Variants in CHD9 observed in about 807,000 individuals in gnomAD.
The protein encoded by CHD9 is chromodomain helicase DNA binding protein 9.
CHD9 carries 77 observed loss-of-function variants against 316.1 expected under a neutral mutation model. The observed-to-expected ratio is 0.24, with a 90% CI of 0.20 to 0.29. CHD9 has a LOEUF of 0.29. Ranked by LOEUF, CHD9 falls within the 10% of genes least tolerant of loss-of-function variation. The probability of loss-of-function intolerance (pLI) is 1.00; values close to 1 mark genes in which losing one functional copy is unlikely to be tolerated. For synonymous variants in CHD9, 1,129 were observed against 1,158.3 expected (o/e 0.97, Z 0.51); for missense variants, 2,763 against 3,438.1 (o/e 0.80, Z 4.91).
chr16:53,316,921 G>A (rs1018663596), intron 36 of CHD9, among the ~76,000 whole-genome samples: 3 of 152,072 alleles, frequency 2.0e-5, no homozygotes, highest in Non-Finnish European at 2.9e-5. Flanking sequence ...GAAGATGGCC[G>A]GGTGCGGTAG....
At chr16:53,272,731 T>C (rs1336878811) in intron 22 of CHD9, among the ~76,000 whole-genome samples, 2 of 152,018 alleles carry the variant, frequency 1.3e-5, no homozygotes, top group Non-Finnish European at 2.9e-5. Context: ...TAAATACTTA[T>C]CCAACATAGG....
intron 23 of CHD9, 32 bp downstream of exon 23, chr16:53,273,817 T>C (rs1216493293): frequency 1.3e-6 from 2 of 1,549,734 alleles, no homozygotes; most frequent in East Asian, 4.5e-5. Context: ...CACAACTCTT[T>C]AAATGTTTAC....
chr16:53,077,769 G>A lies in CHD9; in HGVS notation c.-165+22692G>A, dbSNP rs114476940. On this transcript the variant is annotated intron_variant, in intron 1 of 38. Transcript: ENST00000447540. ...TAAAACATTTGAAATCTACTTCTTC[G>A]GCAATTTTGAAATATGCAATGCGAC... 9.4e-3 allele frequency among the ~76,000 whole-genome samples: 1,424 copies of A among 151,876 alleles called. 28 individuals are homozygous for A. The highest frequency in any genetic ancestry group is 0.032 in the African/African-American group (1,320 of 41,418).
At chr16:53,208,309 A>T (rs550936285) in intron 2 of CHD9, 1 of 1,281,274 alleles carries the variant, frequency 7.8e-7, no homozygotes, top group Admixed American at 2.4e-5. Context: ...CCTTTGTCTG[A>T]CGCCAAAAAT....
At chr16:53,101,273 C>CTTTTT (rs1012377760) in intron 1 of CHD9, among the ~76,000 whole-genome samples, 50 of 124,836 alleles carry the variant, frequency 4.0e-4, no homozygotes, top group Non-Finnish European at 5.1e-4. Context: ...TTTTCCTTTT[C>CTTTTT]TTTTTTTTTT....
At chr16:53,226,076 A>T (rs547887334) in intron 4 of CHD9, among the ~76,000 whole-genome samples, 1 of 152,212 alleles carries the variant, frequency 6.6e-6, no homozygotes, top group South Asian at 2.1e-4. Context: ...TAATTTTTTT[A>T]AAAAACAGAC....
At chr16:53,095,002 C>G (rs1217382171) in intron 1 of CHD9, among the ~76,000 whole-genome samples, 1 of 152,146 alleles carries the variant, frequency 6.6e-6, no homozygotes, top group South Asian at 2.1e-4. Context: ...TCATGACATT[C>G]TTTCATCTTC....
At chr16:53,168,576 T>C (rs1441141436) in intron 2 of CHD9, 2 of 152,194 alleles carry the variant, frequency 1.3e-5, no homozygotes, top group Non-Finnish European at 2.9e-5. Context: ...CTATGGTACC[T>C]AACTGCCTTT....
At chr16:53,321,477 G>A (rs1191529320) in intron 37 of CHD9, 49 bp from the exon 38 acceptor site, 1 of 1,470,488 alleles carries the variant, frequency 6.8e-7, no homozygotes, top group East Asian at 2.5e-5. Flanking sequence ...GCAATCAAGA[G>A]TTTTCTATGT....
At position 53,084,939 on chromosome 16, in the gene CHD9, G is replaced by T. The variant is rs549843754; in HGVS notation, c.-165+29862G>T. On this transcript the variant is annotated intron_variant, in intron 1 of 38. Transcript: ENST00000447540. ...ATACAGGACCCACTTCCTAGGTTAG[G>T]GTTGCAAACTGGGGGTGCTCGGGTA... Among the ~76,000 whole-genome samples, 419 of 152,294 alleles carry T rather than the reference G, an allele frequency of 2.8e-3. 2 individuals are homozygous for T. Among genetic ancestry groups the T allele is most frequent in the African/African-American group, 9.1e-3 (378 of 41,558 alleles).
chr16:53,308,659 G>A (rs762198165), intron 33 of CHD9, 27 bp from the exon 34 acceptor site: 3 of 1,569,726 alleles, frequency 1.9e-6, no homozygotes, highest in African/African-American at 2.7e-5. Flanking sequence ...AACAGTTTCT[G>A]TCTTAATAAT....
rs2046368712 is a variant in CHD9, at chr16:53,211,985, ATT to A, written c.1784+2174_1784+2175del. Among the ~76,000 whole-genome samples, 3 of 152,328 alleles carry A rather than the reference ATT, an allele frequency of 2.0e-5. No homozygotes were observed. In the South Asian group the frequency reaches 6.2e-4, roughly 32 times the overall value. The stretch of plus-strand genomic sequence containing the variant: ...GCACCATTTTATAATTAAACATCTC[ATT>A]TAAAATTTTTTATTTTTCTATTAAT... On this transcript the variant is annotated intron_variant, in intron 3 of 38. Coordinates refer to ENST00000447540, the MANE Select transcript of CHD9 (RefSeq NM_001308319.2).
At chr16:53,210,651 T>C (rs553341905) in intron 3 of CHD9, among the ~76,000 whole-genome samples, 1 of 152,114 alleles carries the variant, frequency 6.6e-6, no homozygotes, top group South Asian at 2.1e-4. Context: ...CATAAAGGGG[T>C]CAATCTAACT....
At chr16:53,311,646 T>C (rs1449464808) in intron 34 of CHD9, 1 of 152,190 alleles carries the variant, frequency 6.6e-6, no homozygotes, top group Non-Finnish European at 1.5e-5. Flanking sequence ...ATTTCATTAA[T>C]GAAGGAGAGT....
chr16:53,269,479 G>A (rs2052021366), intron 22 of CHD9, among the ~76,000 whole-genome samples: 1 of 152,056 alleles, frequency 6.6e-6, no homozygotes, highest in African/African-American at 2.4e-5. Context: ...TATAGATTGT[G>A]GTAATTACTG....
At chr16:53,251,567 G>T (rs1282241828) in intron 17 of CHD9, among the ~76,000 whole-genome samples, 1 of 152,166 alleles carries the variant, frequency 6.6e-6, no homozygotes, top group East Asian at 1.9e-4. Context: ...AAGTGTCAAT[G>T]AAGGGCAGAA....
chr16:53,124,340 G>A (rs1369199248), intron 1 of CHD9, among the ~76,000 whole-genome samples: 1 of 152,072 alleles, frequency 6.6e-6, no homozygotes, highest in African/African-American at 2.4e-5. Context: ...CAGGGTTGGG[G>A]AGGCCTCACA....
Position 53,324,041 on chromosome 16 carries a change from T to C in CHD9, c.7840T>C (p.Tyr2614His). Residue 2614 changes from tyrosine to histidine, a missense_variant, in exon 39 of 39, where the codon TAT (tyrosine) becomes CAT (histidine). By Grantham distance (83) the Tyr-to-His change is moderately conservative (BLOSUM62 2). This residue lies in a region of CHD9 where 298 missense variants were observed against 380.2 expected (regional missense o/e 0.78). Transcript: ENST00000447540. The part of the protein sequence containing the change: ...KQSGFLPESM[Y>H]ERILTGPVVR... ...CCAGGGATTTCTTCCAGAAAGCATG[T>C]ATGAACGTATTCTCACTGGTCCCGT... is the stretch of plus-strand genomic sequence containing the variant. 1 of 1,611,560 alleles carries C rather than the reference T, an allele frequency of 6.2e-7. No homozygotes were observed. The highest frequency in any genetic ancestry group is 2.2e-5 in the East Asian group (1 of 44,792).
intron 2 of CHD9, chr16:53,208,609 T>C: frequency 1.0e-6 from 1 of 1,001,516 alleles, no homozygotes; most frequent in African/African-American, 1.7e-5. Context: ...GAGGCAGGTA[T>C]AGAAAAAATA....
Sources: gnomAD v4.1 joint callset for allele counts (sites outside exome capture counted in the v4.1 genomes callset) on GRCh38, gnomAD v4.1.1 for gene constraint, gnomAD v4.1.1 regional missense constraint, MANE v1.5 for transcripts, NCBI Gene and HGNC (gene_info 2026-07-23, HGNC 2026-07-21) for gene names.